The following PCDHGA8 variants were observed in gnomAD, a reference collection of about 807,000 sequenced individuals.
PCDHGA8 encodes the protein protocadherin gamma subfamily A, 8.
Under a neutral mutation model 59.2 loss-of-function variants are expected in PCDHGA8, and 45 were observed. That is an observed-to-expected ratio of 0.76 (90% CI 0.60 to 0.98). PCDHGA8 has a LOEUF of 0.98. Among genes scored for constraint, PCDHGA8 ranks in the 50% least tolerant of loss-of-function variants. The probability of loss-of-function intolerance (pLI) is 0.00; values close to 1 mark genes in which losing one functional copy is unlikely to be tolerated. For missense variants in PCDHGA8, 1,257 were observed against 1,196.2 expected (o/e 1.05, Z -0.75); for synonymous variants, 531 against 519.0 (o/e 1.02, Z -0.32).
At chr5:141,429,657 A>G (rs1455808092) in intron 1 of PCDHGA8, among the ~76,000 whole-genome samples, 1 of 152,232 alleles carries the variant, frequency 6.6e-6, no homozygotes, top group African/African-American at 2.4e-5. Flanking sequence ...TTCCCAATTT[A>G]AAATATATTA....
chr5:141,487,533 T>C lies in PCDHGA8; in HGVS notation c.2425-7274T>C. On this transcript the variant is annotated intron_variant, in intron 1 of 3. Coordinates refer to ENST00000398604, the MANE Select transcript of PCDHGA8 (RefSeq NM_032088.2). This position sits in a 1 kb window ranked among gnomAD's most constrained non-coding sequence, Gnocchi z 5.0. The stretch of plus-strand genomic sequence containing the variant: ...CCCACTCGGAGTGATAGCTTCATGA[T>C]GGTGAAGTCACCCAGTGCACCTATG... 6.2e-7 allele frequency: 1 copy of C among 1,614,186 alleles called. No individual in the cohort carries two copies. Among genetic ancestry groups the C allele is most frequent in the South Asian group, 1.1e-5 (1 of 91,080 alleles).
chr5:141,409,178 G>C, intron 1 of PCDHGA8: 1 of 1,613,994 alleles, frequency 6.2e-7, no homozygotes, highest in Non-Finnish European at 8.5e-7. Context: ...GGACGGAGGT[G>C]GTCTCTCTAC....
chr5:141,497,739 A>G (rs1180122239), intron 2 of PCDHGA8, among the ~76,000 whole-genome samples: 1 of 152,118 alleles, frequency 6.6e-6, no homozygotes, highest in Admixed American at 6.6e-5. Flanking sequence ...GGGTTTCGCC[A>G]CGTTGGCCAG....
intron 1 of PCDHGA8, among the ~76,000 whole-genome samples, chr5:141,461,366 A>G (rs1186381077): frequency 6.6e-6 from 1 of 151,964 alleles, no homozygotes; most frequent in Non-Finnish European, 1.5e-5. Flanking sequence ...TTGTGGTTTT[A>G]ATTTGCATTT....
At chr5:141,410,847 G>GTATTT in intron 1 of PCDHGA8, 1 of 158,252 alleles carries the variant, frequency 6.3e-6, no homozygotes. Flanking sequence ...TTTTGTCTTT[G>GTATTT]TCTTTTTTTT....
At position 141,489,193 on chromosome 5, in the gene PCDHGA8, G is replaced by A; in HGVS notation, c.2425-5614G>A. The A allele has an allele frequency of 2.2e-6, 3 of 1,369,230 alleles. No individual in the cohort carries two copies. Among genetic ancestry groups the A allele is most frequent in the Non-Finnish European group, 3.0e-6 (3 of 1,000,290 alleles). 84.8% of individuals were successfully genotyped at this position (1,369,230 alleles called of 1,614,324 possible). On this transcript the variant is annotated intron_variant, in intron 1 of 3. Coordinates refer to ENST00000398604, the MANE Select transcript of PCDHGA8 (RefSeq NM_032088.2). The surrounding 1 kb of genome is among the most constrained non-coding windows in gnomAD (Gnocchi z 4.5). ...GCATTCCAAGCCCTGGGTCTACCTT[G>A]GAGACAGGACAGCACAGACTTACTC...
chr5:141,408,873 CCACCG>C (rs776180805), intron 1 of PCDHGA8: 50 of 1,613,104 alleles, frequency 3.1e-5, no homozygotes, highest in Non-Finnish European at 4.1e-5. Context: ...CCAAGAAGTG[CCACCG>C]CTCACATAGA....
chr5:141,402,098 C>G (rs2094224797), intron 1 of PCDHGA8, among the ~76,000 whole-genome samples: 1 of 152,048 alleles, frequency 6.6e-6, no homozygotes, highest in Non-Finnish European at 1.5e-5. Context: ...AAAGTTTAAG[C>G]AATTACAAAA....
intron 1 of PCDHGA8, chr5:141,413,373 C>T (rs1421093311): frequency 1.2e-6 from 2 of 1,613,946 alleles, no homozygotes; most frequent in Non-Finnish European, 1.7e-6. Flanking sequence ...TGGCGGAGCG[C>T]GGAGTCCGCA....
At chr5:141,400,316 A>C in intron 1 of PCDHGA8, 1 of 1,614,042 alleles carries the variant, frequency 6.2e-7, no homozygotes. Flanking sequence ...CTCTGTGTCA[A>C]GTCTGGACCT....
At position 141,510,984 on chromosome 5, in the gene PCDHGA8, C is replaced by T. The variant is rs375865663; in HGVS notation, c.2610C>T (p.Ala870=). The change falls in exon 4 of 4, where the codon GCC becomes GCT. Residue 870 remains alanine (A), a synonymous_variant. Coordinates refer to ENST00000398604, the MANE Select transcript of PCDHGA8 (RefSeq NM_032088.2). ...GGAGCTCCACCCTGGGAGGGGGTGC[C>T]GGCACCATGGGATTGAGCGCCCGCT... The part of the protein sequence containing the change: ...ADGSSTLGGG[A]GTMGLSARYG... 20 of 1,614,044 alleles carry T rather than the reference C, an allele frequency of 1.2e-5. No homozygotes were observed. The East Asian group carries it at 1.6e-4, about 13-fold the overall frequency.
chr5:141,476,741 A>G lies in PCDHGA8; in HGVS notation c.2425-18066A>G, dbSNP rs1430298222. On this transcript the variant is annotated intron_variant, in intron 1 of 3. Transcript: ENST00000398604. The surrounding 1 kb of genome is among the most constrained non-coding windows in gnomAD (Gnocchi z 7.6). ...CGCCCTGGACCGAGAACGGGAGCCT[A>G]GTCTCCAGTTAGTGCTGACGGCGTT... The G allele has an allele frequency of 6.2e-7, 1 of 1,613,936 alleles. No individual in the cohort carries two copies. Among genetic ancestry groups the G allele is most frequent in the Non-Finnish European group, 8.5e-7 (1 of 1,180,032 alleles).
chr5:141,467,878 C>T (rs937986234), intron 1 of PCDHGA8, among the ~76,000 whole-genome samples: 8 of 151,998 alleles, frequency 5.3e-5, no homozygotes, highest in Non-Finnish European at 7.4e-5. Flanking sequence ...AGGCTGGTCT[C>T]AAACTCCTGA....
chr5:141,418,753 A>G, intron 1 of PCDHGA8: 2 of 1,613,974 alleles, frequency 1.2e-6, no homozygotes, highest in South Asian at 2.2e-5. Context: ...ATTACACTAC[A>G]GGAAACATTC....
At chr5:141,483,258 T>G (rs2099579023) in intron 1 of PCDHGA8, among the ~76,000 whole-genome samples, 1 of 137,930 alleles carries the variant, frequency 7.3e-6, no homozygotes, top group South Asian at 2.1e-4. Flanking sequence ...TCATGAGGTT[T>G]TTTTGTTTTA....
chr5:141,491,641 C>T lies in PCDHGA8; in HGVS notation c.2425-3166C>T. Reference sequence around the variant, plus strand: ...CCTCAGCGTTCAGCAGCCCACAGCTCTGGCGCTGGAGCCTGACGCCATCCG... The same window carrying T: ...CCTCAGCGTTCAGCAGCCCACAGCTTTGGCGCTGGAGCCTGACGCCATCCG... On this transcript the variant is annotated intron_variant, in intron 1 of 3. Coordinates refer to ENST00000398604, the MANE Select transcript of PCDHGA8 (RefSeq NM_032088.2). The surrounding 1 kb of genome is among the most constrained non-coding windows in gnomAD (Gnocchi z 6.9). The T allele has an allele frequency of 6.2e-7, 1 of 1,613,896 alleles. No homozygotes were observed. Among genetic ancestry groups the T allele is most frequent in the Non-Finnish European group, 8.5e-7 (1 of 1,180,018 alleles).
chr5:141,404,984 C>A (rs779919758), intron 1 of PCDHGA8: 1 of 1,614,034 alleles, frequency 6.2e-7, no homozygotes, highest in Middle Eastern at 1.6e-4. Flanking sequence ...CCTGGGCAGT[C>A]TTCAGATCCC....
At chr5:141,468,330 CAAA>C (rs533390277) in intron 1 of PCDHGA8, 32,113 of 79,068 alleles carry the variant, frequency 0.41, 3,870 homozygotes, top group African/African-American at 0.52. Flanking sequence ...AACTCCATCT[CAAA>C]AAAAAAAAAA....
chr5:141,419,993 G>T (rs754254084), intron 1 of PCDHGA8: 5 of 1,614,056 alleles, frequency 3.1e-6, no homozygotes, highest in Middle Eastern at 1.6e-4. Context: ...TCTAGCTATT[G>T]CTCTACGCCT....
Sources: allele counts gnomAD v4.1 joint callset (sites outside exome capture counted in the v4.1 genomes callset), GRCh38; gene constraint gnomAD v4.1.1; non-coding constraint Gnocchi (gnomAD v3.1); transcripts MANE v1.5; gene names NCBI Gene and HGNC (gene_info 2026-07-23, HGNC 2026-07-21).